CNTN5: variants seen among roughly 807,000 people sequenced by gnomAD.
CNTN5 encodes contactin-5.
CNTN5 carries 77 observed loss-of-function variants against 129.1 expected under a neutral mutation model. The ratio of observed to expected loss-of-function variants is 0.60; its 90% CI spans 0.50 to 0.72. The LOEUF is 0.72. Among genes scored for constraint, CNTN5 ranks in the 30% least tolerant of loss-of-function variants. The probability of loss-of-function intolerance (pLI) is 0.00; values close to 1 mark genes in which losing one functional copy is unlikely to be tolerated. For missense variants in CNTN5, 1,478 were observed against 1,328.8 expected (o/e 1.11, Z -1.75); for synonymous variants, 509 against 465.6 (o/e 1.09, Z -1.20).
At chr11:99,446,669 C>T (rs975790657) in intron 2 of CNTN5, among the ~76,000 whole-genome samples, 4 of 152,074 alleles carry the variant, frequency 2.6e-5, no homozygotes, top group Admixed American at 1.3e-4. Context: ...AGGTTTTATC[C>T]GAATGAATAC....
chr11:99,667,881 C>T (rs996353265), intron 3 of CNTN5, among the ~76,000 whole-genome samples: 9 of 151,986 alleles, frequency 5.9e-5, no homozygotes, highest in African/African-American at 1.7e-4. Context: ...GTGTAACAAA[C>T]CACCATGGCA....
intron 1 of CNTN5, among the ~76,000 whole-genome samples, chr11:99,225,181 A>T (rs975540991): frequency 6.6e-6 from 1 of 152,196 alleles, no homozygotes; most frequent in African/African-American, 2.4e-5. Context: ...AAGGAGATGA[A>T]GAGTAATCGG....
At chr11:99,647,735 T>G (rs1230357180) in intron 3 of CNTN5, among the ~76,000 whole-genome samples, 1 of 151,926 alleles carries the variant, frequency 6.6e-6, no homozygotes, top group Admixed American at 6.6e-5. Flanking sequence ...TATACTATTT[T>G]TTTTTTGGAG....
chr11:100,248,671 A>C (rs1949898303), intron 16 of CNTN5, among the ~76,000 whole-genome samples: 1 of 152,236 alleles, frequency 6.6e-6, no homozygotes, highest in Admixed American at 6.5e-5. Context: ...TGAATCAGCA[A>C]GTCTCAGAAT....
intron 1 of CNTN5, among the ~76,000 whole-genome samples, chr11:99,214,032 T>G (rs1203527078): frequency 6.6e-6 from 1 of 152,156 alleles, no homozygotes; most frequent in Non-Finnish European, 1.5e-5. Context: ...AAAAATGCAG[T>G]TACTGCTATT....
chr11:100,337,477 C>T (rs1952059748), intron 21 of CNTN5: 1 of 743,842 alleles, frequency 1.3e-6, no homozygotes, highest in South Asian at 1.3e-5. Context: ...TACCCAAGAC[C>T]TGAGGGACTG....
At chr11:100,043,066 T>C (rs994250515) in intron 9 of CNTN5, among the ~76,000 whole-genome samples, 3 of 152,198 alleles carry the variant, frequency 2.0e-5, no homozygotes, top group Non-Finnish European at 4.4e-5. Flanking sequence ...TCTCAGGTTA[T>C]TATTATAGAG....
intron 2 of CNTN5, among the ~76,000 whole-genome samples, chr11:99,391,151 A>G (rs1033630645): frequency 5.9e-5 from 9 of 152,130 alleles, no homozygotes; most frequent in African/African-American, 2.2e-4. Flanking sequence ...TACAATGTGA[A>G]AGGTAAAGTC....
intron 13 of CNTN5, among the ~76,000 whole-genome samples, chr11:100,150,257 G>T (rs1336770978): frequency 6.6e-6 from 1 of 151,996 alleles, no homozygotes; most frequent in African/African-American, 2.4e-5. Context: ...TTTTAAAAAT[G>T]CATTCTTCAG....
At chr11:99,670,565 T>G (rs1319398016) in intron 3 of CNTN5, among the ~76,000 whole-genome samples, 1 of 152,154 alleles carries the variant, frequency 6.6e-6, no homozygotes, top group Non-Finnish European at 1.5e-5. Flanking sequence ...AAAAACCACC[T>G]CACTAGTATC....
At chr11:100,075,519 T>C (rs1458958736) in intron 13 of CNTN5, among the ~76,000 whole-genome samples, 2 of 152,196 alleles carry the variant, frequency 1.3e-5, no homozygotes, top group Admixed American at 1.3e-4. Flanking sequence ...AAAACTCTTT[T>C]TATGCTTAGG....
chr11:99,610,300 A>G (rs528459427), intron 3 of CNTN5, among the ~76,000 whole-genome samples: 1 of 152,246 alleles, frequency 6.6e-6, no homozygotes, highest in South Asian at 2.1e-4. Flanking sequence ...GTAATGGCCT[A>G]TTTGAGTCTG....
chr11:99,527,752 C>T (rs1947542319), intron 2 of CNTN5, among the ~76,000 whole-genome samples: 1 of 152,128 alleles, frequency 6.6e-6, no homozygotes, highest in African/African-American at 2.4e-5. Flanking sequence ...GTACAACTGC[C>T]AGGGCAATGC....
intron 9 of CNTN5, among the ~76,000 whole-genome samples, chr11:100,037,056 A>T (rs866387495): frequency 3.5e-4 from 53 of 149,484 alleles, no homozygotes; most frequent in Middle Eastern, 3.4e-3. Context: ...CCGTTTTCAA[A>T]GGGAATGCTT....
chr11:99,344,867 T>C (rs146487229), intron 2 of CNTN5, among the ~76,000 whole-genome samples: 2 of 152,272 alleles, frequency 1.3e-5, no homozygotes, highest in East Asian at 3.9e-4. Flanking sequence ...ATCTAGTTAA[T>C]TGCTTGTTCT....
At chr11:100,069,401 T>C (rs1452263152) in intron 10 of CNTN5, among the ~76,000 whole-genome samples, 1 of 152,092 alleles carries the variant, frequency 6.6e-6, no homozygotes, top group Non-Finnish European at 1.5e-5. Flanking sequence ...GTAATCCCTC[T>C]GCCTTGGCCT....
At chr11:99,142,428 C>A (rs1315187260) in intron 1 of CNTN5, among the ~76,000 whole-genome samples, 1 of 152,028 alleles carries the variant, frequency 6.6e-6, no homozygotes, top group Non-Finnish European at 1.5e-5. Flanking sequence ...TGGAGGGAGG[C>A]CTGACCACAT....
chr11:99,396,687 T>G (rs1256757373), intron 2 of CNTN5, among the ~76,000 whole-genome samples: 1 of 151,718 alleles, frequency 6.6e-6, no homozygotes, highest in African/African-American at 2.4e-5. Flanking sequence ...AAATTAAATT[T>G]GTATTTAGCG....
Position 99,233,732 on chromosome 11 carries a change from G to A in CNTN5, c.-209-91614G>A, listed in dbSNP as rs948366797. The stretch of plus-strand genomic sequence containing the variant: ...GGAGGCCGAGGTGGGTGGATCACGA[G>A]GTCAGGAGATGGAGACCATCCTGGC... On this transcript the variant is annotated intron_variant, in intron 1 of 24. Transcript: ENST00000524871. Among the ~76,000 whole-genome samples the A allele has an allele frequency of 5.3e-5, 8 of 152,266 alleles. No homozygotes were observed. The East Asian group carries it at 1.4e-3, about 26-fold the overall frequency.
Sources: gnomAD v4.1 joint callset for allele counts (sites outside exome capture counted in the v4.1 genomes callset) on GRCh38, gnomAD v4.1.1 for gene constraint, MANE v1.5 for transcripts, NCBI Gene and HGNC (gene_info 2026-07-23, HGNC 2026-07-21) for gene names.